DNAJC17: variants seen among roughly 807,000 people sequenced by gnomAD.
DNAJC17 encodes the protein DnaJ heat shock protein family (Hsp40) member C17.
DNAJC17 carries 35 observed loss-of-function variants against 48.1 expected under a neutral mutation model. The observed-to-expected ratio is 0.73, with a 90% CI of 0.56 to 0.96. The LOEUF (loss-of-function observed/expected upper bound fraction) is 0.96. Among genes scored for constraint, DNAJC17 ranks in the 50% least tolerant of loss-of-function variants. The pLI is 0.00. For missense variants in DNAJC17, 355 were observed against 377.1 expected (o/e 0.94, Z 0.48); for synonymous variants, 117 against 142.7 (o/e 0.82, Z 1.28).
intron 1 of DNAJC17, among the ~76,000 whole-genome samples, chr15:40,784,757 G>A (rs1207443781): frequency 1.6e-4 from 24 of 152,084 alleles, no homozygotes; most frequent in Admixed American, 1.6e-3. Context: ...AAGCCAAACA[G>A]GGAGGCTAGG....
At chr15:40,780,443 TA>T (rs1288816455) in intron 1 of DNAJC17, 2 of 414,792 alleles carry the variant, frequency 4.8e-6, no homozygotes, top group Non-Finnish European at 9.6e-6. Context: ...ATGGCAAAAA[TA>T]AATATACAAG....
Position 40,767,049 on chromosome 15 carries a change from C to T in DNAJC17, c.*891G>A, listed in dbSNP as rs1048026921. ...GTTGGGAAGAATAAATGAGATAGCT[C>T]GTGAAGTACCTAGAAGGGGAGGAGG... On this transcript the variant is annotated 3_prime_UTR_variant, in exon 11 of 11. Transcript: ENST00000220496. 4.0e-6 allele frequency: 2 copies of T among 502,492 alleles called. No homozygotes were observed. Among genetic ancestry groups the T allele is most frequent in the East Asian group, 3.2e-5 (1 of 31,106 alleles). 31.1% of individuals were successfully genotyped at this position (502,492 alleles called of 1,614,324 possible). A position where few individuals can be genotyped will look rare whatever the true frequency, so the allele number is the denominator to read the frequency against.
chr15:40,795,367 TG>T (rs1409629419), intron 1 of DNAJC17, among the ~76,000 whole-genome samples: 3 of 152,142 alleles, frequency 2.0e-5, no homozygotes, highest in Non-Finnish European at 4.4e-5. Context: ...TTCAAAATGA[TG>T]GGCCCCAGGA....
chr15:40,768,519 G>A (rs1000581857), intron 10 of DNAJC17, among the ~76,000 whole-genome samples: 6 of 152,150 alleles, frequency 3.9e-5, no homozygotes, highest in East Asian at 1.9e-4. Context: ...CTCTATGCCC[G>A]GTGCCCTGTG....
At chr15:40,776,088 C>T (rs1889309926) in intron 6 of DNAJC17, 108 bp downstream of exon 6, 1 of 1,019,038 alleles carries the variant, frequency 9.8e-7, no homozygotes, top group Non-Finnish European at 1.5e-6. Flanking sequence ...CCCCAGGGTT[C>T]CAGCAGGTAG....
At chr15:40,802,267 T>G (rs1015294271) in intron 1 of DNAJC17, among the ~76,000 whole-genome samples, 9 of 150,446 alleles carry the variant, frequency 6.0e-5, no homozygotes, top group Non-Finnish European at 1.2e-4. Flanking sequence ...GCCTCCCAGG[T>G]TCAAGCGATT....
chr15:40,792,985 C>T (rs898590281), intron 1 of DNAJC17, among the ~76,000 whole-genome samples: 5 of 151,174 alleles, frequency 3.3e-5, no homozygotes, highest in Non-Finnish European at 5.9e-5. Context: ...GCTCTGCCTC[C>T]GGGTTCACGC....
chr15:40,805,389 A>C (rs1362990227), intron 1 of DNAJC17, among the ~76,000 whole-genome samples: 1 of 150,832 alleles, frequency 6.6e-6, no homozygotes, highest in Non-Finnish European at 1.5e-5. Context: ...AAAAAAAAAA[A>C]AAAAAAAATT....
chr15:40,792,121 C>G (rs1889823459), intron 1 of DNAJC17, among the ~76,000 whole-genome samples: 1 of 152,226 alleles, frequency 6.6e-6, no homozygotes, highest in South Asian at 2.1e-4. Flanking sequence ...GCTAGGCACT[C>G]CACATCTGCA....
chr15:40,775,027 C>T lies in DNAJC17; in HGVS notation c.600+4G>A, dbSNP rs749048255. 8.2e-5 allele frequency: 132 copies of T among 1,613,940 alleles called. No homozygotes were observed. The highest frequency in any genetic ancestry group is 8.2e-4 in the Admixed American group (49 of 60,002). ...AGGAAAGAGTGGACGTCAACAGGGC[C>T]GACCTTCTGCAAAAGCCGTAGGAGG... On this transcript the variant is annotated splice_donor_region_variant and intron_variant, in intron 8 of 10. Coordinates refer to ENST00000220496, the MANE Select transcript of DNAJC17 (RefSeq NM_018163.3).
In DNAJC17 at chr15:40,769,871, G is replaced by A. The variant is rs1889077256; in HGVS notation, c.793-1809C>T. 6.5e-6 allele frequency: 1 copy of A among 153,192 alleles called. No homozygotes were observed. The highest frequency in any genetic ancestry group is 6.5e-5 in the Admixed American group (1 of 15,356). 9.5% of individuals were successfully genotyped at this position (153,192 alleles called of 1,614,324 possible). A position where few individuals can be genotyped will look rare whatever the true frequency, so the allele number is the denominator to read the frequency against. On this transcript the variant is annotated intron_variant, in intron 10 of 10. Coordinates refer to ENST00000220496, the MANE Select transcript of DNAJC17 (RefSeq NM_018163.3). The surrounding 1 kb of genome is among the most constrained non-coding windows in gnomAD (Gnocchi z 4.2). ...CCATTGCCCTGGGGTGTTGGTCCCAGCTGCCCCATCCCTGCACGCGGATGC... is the reference window on the plus strand; with the variant it reads ...CCATTGCCCTGGGGTGTTGGTCCCAACTGCCCCATCCCTGCACGCGGATGC...
At chr15:40,795,129 C>T (rs1212344314) in intron 1 of DNAJC17, among the ~76,000 whole-genome samples, 1 of 152,018 alleles carries the variant, frequency 6.6e-6, no homozygotes, top group Non-Finnish European at 1.5e-5. Context: ...ATAAACTTCT[C>T]GGCTGGGCAC....
At chr15:40,798,750 GA>G in intron 1 of DNAJC17, among the ~76,000 whole-genome samples, 1 of 152,294 alleles carries the variant, frequency 6.6e-6, no homozygotes, top group South Asian at 2.1e-4. Flanking sequence ...GCTGCTGTGT[GA>G]AAAGGATCAA....
intron 10 of DNAJC17, chr15:40,771,282 C>T: frequency 1.9e-6 from 1 of 530,944 alleles, no homozygotes; most frequent in Non-Finnish European, 3.5e-6. Flanking sequence ...CTGGCAGGAC[C>T]CTGAAGAAAG....
chr15:40,776,612 TC>T lies in DNAJC17; in HGVS notation c.310del (p.Glu104SerfsTer21). 1.2e-6 allele frequency: 2 copies of T among 1,613,934 alleles called. No individual in the cohort carries two copies. The highest frequency in any genetic ancestry group is 1.7e-6 in the Non-Finnish European group (2 of 1,179,990). The part of the protein sequence containing the change: ...KKVKLDLEAR[E>X]RQAQAQESEE... Reference sequence around the variant, plus strand: ...ACTCTCCTGGGCCTGGGCCTGCCGCTCCCGGGCCTCCAGGTCTAGACACAAG... The same window carrying T: ...ACTCTCCTGGGCCTGGGCCTGCCGCTCCGGGCCTCCAGGTCTAGACACAAG... On this transcript the variant is annotated frameshift_variant, in exon 5 of 11. Coordinates refer to ENST00000220496, the MANE Select transcript of DNAJC17 (RefSeq NM_018163.3). LOFTEE classifies it high-confidence loss of function.
At chr15:40,786,191 C>G (rs933723709) in intron 1 of DNAJC17, among the ~76,000 whole-genome samples, 2 of 152,196 alleles carry the variant, frequency 1.3e-5, no homozygotes, top group African/African-American at 4.8e-5. Flanking sequence ...GCTCAAAAGG[C>G]TAGATTCAGG....
intron 7 of DNAJC17, 35 bp downstream of exon 7, chr15:40,775,518 G>C: frequency 6.2e-7 from 1 of 1,611,194 alleles, no homozygotes; most frequent in Non-Finnish European, 8.5e-7. Flanking sequence ...GGCGGTGTGA[G>C]TGTGAGGTGG....
intron 1 of DNAJC17, among the ~76,000 whole-genome samples, chr15:40,796,262 G>T (rs889596951): frequency 2.0e-5 from 3 of 152,166 alleles, no homozygotes; most frequent in Non-Finnish European, 4.4e-5. Context: ...TTCCTTCCTG[G>T]ATTTTTTACA....
chr15:40,781,999 G>A (rs1490986826), intron 1 of DNAJC17, among the ~76,000 whole-genome samples: 1 of 152,066 alleles, frequency 6.6e-6, no homozygotes, highest in Non-Finnish European at 1.5e-5. Flanking sequence ...TGAGGCGAGA[G>A]GATCGCTTGA....
Sources: allele counts gnomAD v4.1 joint callset (sites outside exome capture counted in the v4.1 genomes callset), GRCh38; gene constraint gnomAD v4.1.1; non-coding constraint Gnocchi (gnomAD v3.1); transcripts MANE v1.5; gene names NCBI Gene and HGNC (gene_info 2026-07-23, HGNC 2026-07-21).